The following PTPMT1 variants were observed in gnomAD, a reference collection of about 807,000 sequenced individuals.
The protein encoded by PTPMT1 is phosphatidylglycerophosphatase and protein-tyrosine phosphatase 1.
Under a neutral mutation model 17.8 loss-of-function variants are expected in PTPMT1, and 12 were observed. That is an observed-to-expected ratio of 0.67 (90% CI 0.43 to 1.09). The LOEUF is 1.09. Ranked by LOEUF, PTPMT1 falls within the 50% of genes least tolerant of loss-of-function variation. The probability of loss-of-function intolerance (pLI) is 0.00; values close to 1 mark genes in which losing one functional copy is unlikely to be tolerated. For synonymous variants in PTPMT1, 132 were observed against 116.8 expected, an observed-to-expected ratio of 1.13 and a Z score of -0.84; for missense variants, 262 against 266.0, an observed-to-expected ratio of 0.99 and a Z score of 0.10.
At chr11:47,566,320 C>T (rs1333200591) in intron 2 of PTPMT1, among the ~76,000 whole-genome samples, 2 of 151,836 alleles carry the variant, frequency 1.3e-5, no homozygotes, top group African/African-American at 4.8e-5. Flanking sequence ...CCCGTCCCTA[C>T]AAAAATACAA....
At position 47,573,149 on chromosome 11, in the gene PTPMT1, G is replaced by A. The variant is rs758372593; in HGVS notation, c.*1520G>A. On this transcript the variant is annotated 3_prime_UTR_variant, in exon 4 of 4. Coordinates refer to ENST00000326674, the MANE Select transcript of PTPMT1 (RefSeq NM_175732.3). This position sits in a 1 kb window ranked among gnomAD's most constrained non-coding sequence, Gnocchi z 4.1. Reference sequence around the variant, plus strand: ...AAAGCCGGGTGAAGCTGTCTAGCAAGGGATTGTAGCACACCAGGGAGTCCC... The same window carrying A: ...AAAGCCGGGTGAAGCTGTCTAGCAAAGGATTGTAGCACACCAGGGAGTCCC... The A allele has an allele frequency of 1.9e-6, 3 of 1,614,202 alleles. No homozygotes were observed. The Admixed American group carries it at 5.0e-5, about 27-fold the overall frequency.
Position 47,571,778 on chromosome 11 carries a change from G to A in PTPMT1, c.*149G>A, listed in dbSNP as rs1178755513. 3.8e-5 allele frequency: 27 copies of A among 711,642 alleles called. No individual in the cohort carries two copies. The Admixed American group carries it at 6.8e-4, about 18-fold the overall frequency. 44.1% of individuals were successfully genotyped at this position (711,642 alleles called of 1,614,324 possible). On this transcript the variant is annotated 3_prime_UTR_variant, in exon 4 of 4. Transcript: ENST00000326674. ...AATTTTTCTTTCTCTGACTTGTTTT[G>A]TTTTCTTGAAATAACACTGTTGTGT...
intron 3 of PTPMT1, among the ~76,000 whole-genome samples, chr11:47,571,206 C>T (rs528748115): frequency 2.6e-5 from 4 of 152,258 alleles, no homozygotes; most frequent in East Asian, 3.9e-4. Flanking sequence ...GTGCAACTTC[C>T]TTTTTCTAGG....
chr11:47,566,071 G>T, intron 2 of PTPMT1, 85 bp downstream of exon 2: 1 of 1,420,630 alleles, frequency 7.0e-7, no homozygotes, highest in South Asian at 1.5e-5. Context: ...GAGAAGTGTG[G>T]GGGAGGTCAC....
chr11:47,567,559 CTTTTTTTTTTTT>C (rs370022255), intron 2 of PTPMT1, among the ~76,000 whole-genome samples: 2 of 116,138 alleles, frequency 1.7e-5, no homozygotes, highest in Non-Finnish European at 3.6e-5. Flanking sequence ...TATTTCTTTT[CTTTTTTTTTTTT>C]TTTTTTTGAG....
Position 47,573,243 on chromosome 11 carries a change from T to C in PTPMT1, c.*1614T>C, listed in dbSNP as rs766367041. 5 of 1,614,146 alleles carry C rather than the reference T, an allele frequency of 3.1e-6. No homozygotes were observed. The highest frequency in any genetic ancestry group is 2.2e-5 in the South Asian group (2 of 91,074). On this transcript the variant is annotated 3_prime_UTR_variant, in exon 4 of 4. Coordinates refer to ENST00000326674, the MANE Select transcript of PTPMT1 (RefSeq NM_175732.3). The surrounding 1 kb of genome is among the most constrained non-coding windows in gnomAD (Gnocchi z 4.1). Reference sequence around the variant, plus strand: ...CATGCGGCCTGCAAAGGGCAGCACATAGGGCTTCACATGGCATTTGTCTGT... The same window carrying C: ...CATGCGGCCTGCAAAGGGCAGCACACAGGGCTTCACATGGCATTTGTCTGT...
chr11:47,570,672 C>T lies in PTPMT1; in HGVS notation c.447+781C>T, dbSNP rs541069511. 2.0e-5 allele frequency among the ~76,000 whole-genome samples: 3 copies of T among 152,258 alleles called. No individual in the cohort carries two copies. The South Asian group carries it at 6.2e-4, about 32-fold the overall frequency. ...GATATTAGTTTCTGGAAACAGGCTC[C>T]AAACTGGATTCTGCCTATTAATGTG... On this transcript the variant is annotated intron_variant, in intron 3 of 3. Coordinates refer to ENST00000326674, the MANE Select transcript of PTPMT1 (RefSeq NM_175732.3).
intron 2 of PTPMT1, among the ~76,000 whole-genome samples, chr11:47,566,288 G>A (rs2097244124): frequency 6.6e-6 from 1 of 152,094 alleles, no homozygotes; most frequent in Admixed American, 6.6e-5. Flanking sequence ...TTCCTGACCA[G>A]CCTGGGCAAC....
At position 47,569,723 on chromosome 11, in the gene PTPMT1, G is replaced by C. The variant is rs2097248512; in HGVS notation, c.279G>C (p.Glu93Asp). 9.9e-6 allele frequency: 16 copies of C among 1,612,622 alleles called. No homozygotes were observed. Among genetic ancestry groups the C allele is most frequent in the Non-Finnish European group, 1.4e-5 (16 of 1,179,360 alleles). Residue 93 changes from glutamate to aspartate, a missense_variant, in exon 3 of 4, where the codon GAG becomes GAC. Transcript: ENST00000326674. Reference sequence around the variant, plus strand: ...AGGAGTGGAAGAGACTAGGAGTCGAGCAGCTGCGGCTCAGCACAGTAGACA... The same window carrying C: ...AGGAGTGGAAGAGACTAGGAGTCGACCAGCTGCGGCTCAGCACAGTAGACA... ...SSQEWKRLGV[E>D]QLRLSTVDMT... is the part of the protein sequence containing the mutation.
Position 47,571,865 on chromosome 11 carries a change from T to A in PTPMT1, c.*236T>A. ...ATGGGATACAGGACAGGGATGGGGCTATCATCTTTTCTTGAATAGGGCTAA... is the reference window on the plus strand; with the variant it reads ...ATGGGATACAGGACAGGGATGGGGCAATCATCTTTTCTTGAATAGGGCTAA... On this transcript the variant is annotated 3_prime_UTR_variant, in exon 4 of 4. Coordinates refer to ENST00000326674, the MANE Select transcript of PTPMT1 (RefSeq NM_175732.3). 2.4e-6 allele frequency: 1 copy of A among 421,138 alleles called. No homozygotes were observed. The highest frequency in any genetic ancestry group is 4.2e-6 in the Non-Finnish European group (1 of 236,276). 26.1% of individuals were successfully genotyped at this position (421,138 alleles called of 1,614,324 possible). A position where few individuals can be genotyped will look rare whatever the true frequency, so the allele number is the denominator to read the frequency against.
In PTPMT1 at chr11:47,572,821, T is replaced by G. The variant is rs1475489742; in HGVS notation, c.*1192T>G. The G allele has an allele frequency of 8.2e-7, 1 of 1,219,110 alleles. No individual in the cohort carries two copies. The highest frequency in any genetic ancestry group is 1.1e-6 in the Non-Finnish European group (1 of 877,214). 75.5% of individuals were successfully genotyped at this position (1,219,110 alleles called of 1,614,324 possible). ...TTCAGGGAAGGGCTGAGGCACTGCC[T>G]TTCTAGTATGTGCCAAAAAAAACAT... On this transcript the variant is annotated 3_prime_UTR_variant, in exon 4 of 4. Transcript: ENST00000326674.
intron 3 of PTPMT1, among the ~76,000 whole-genome samples, 176 bp downstream of exon 3, chr11:47,570,067 C>A (rs993445103): frequency 2.0e-5 from 3 of 151,868 alleles, no homozygotes; most frequent in Non-Finnish European, 2.9e-5. Context: ...TGGTGTGCAC[C>A]TGTAGTCCCA....
chr11:47,569,843 G>C lies in PTPMT1; in HGVS notation c.399G>C (p.Lys133Asn). The change falls in exon 3 of 4, where the codon AAG becomes AAC. Residue 133 changes from lysine to asparagine, a missense_variant. Transcript: ENST00000326674. ...GCCAGTGTGTTTACGTGCATTGTAA[G>C]GCTGGGCGCTCCAGGAGTGCCACTA... ...SLGQCVYVHC[K>N]AGRSRSATMV... is the part of the protein sequence containing the mutation. The C allele has an allele frequency of 6.2e-7, 1 of 1,613,910 alleles. No individual in the cohort carries two copies. The highest frequency in any genetic ancestry group is 8.5e-7 in the Non-Finnish European group (1 of 1,180,022).
chr11:47,571,720 G>C lies in PTPMT1; in HGVS notation c.*91G>C. ...ACCAACAGGGCTTAAGCCCAGACTTGACGTAACAGAAATGTGCCAATAGGT... is the reference window on the plus strand; with the variant it reads ...ACCAACAGGGCTTAAGCCCAGACTTCACGTAACAGAAATGTGCCAATAGGT... On this transcript the variant is annotated 3_prime_UTR_variant, in exon 4 of 4. Transcript: ENST00000326674. 1.6e-6 allele frequency: 2 copies of C among 1,243,986 alleles called. No individual in the cohort carries two copies. The highest frequency in any genetic ancestry group is 1.4e-5 in the South Asian group (1 of 70,486). 77.1% of individuals were successfully genotyped at this position (1,243,986 alleles called of 1,614,324 possible). A position where few individuals can be genotyped will look rare whatever the true frequency, so the allele number is the denominator to read the frequency against.
chr11:47,572,989 C>G lies in PTPMT1; in HGVS notation c.*1360C>G. 3 of 1,614,172 alleles carry G rather than the reference C, an allele frequency of 1.9e-6. No homozygotes were observed. The highest frequency in any genetic ancestry group is 2.5e-6 in the Non-Finnish European group (3 of 1,180,034). On this transcript the variant is annotated 3_prime_UTR_variant, in exon 4 of 4. Transcript: ENST00000326674. ...ACCTTAATACCTCTTGTGACAGTTA[C>G]GGCTGAAGTGGCAGGGTCAAGCTTG...
intron 2 of PTPMT1, among the ~76,000 whole-genome samples, chr11:47,569,245 G>T (rs183921372): frequency 6.6e-4 from 100 of 151,996 alleles, no homozygotes; most frequent in Middle Eastern, 3.4e-3. Flanking sequence ...AATTAGCCAG[G>T]CTTGGTGGCG....
At position 47,572,843 on chromosome 11, in the gene PTPMT1, A is replaced by AG; in HGVS notation, c.*1214_*1215insG. ...GCCTTTCTAGTATGTGCCAAAAAAAACATAACTCTGAATTGGGGCCCAGGG... is the reference window on the plus strand; with the variant it reads ...GCCTTTCTAGTATGTGCCAAAAAAAAGCATAACTCTGAATTGGGGCCCAGGG... On this transcript the variant is annotated 3_prime_UTR_variant, in exon 4 of 4. Coordinates refer to ENST00000326674, the MANE Select transcript of PTPMT1 (RefSeq NM_175732.3). The AG allele has an allele frequency of 2.1e-6, 3 of 1,435,010 alleles. No individual in the cohort carries two copies. The highest frequency in any genetic ancestry group is 2.8e-6 in the Non-Finnish European group (3 of 1,058,964). 88.9% of individuals were successfully genotyped at this position (1,435,010 alleles called of 1,614,324 possible).
At chr11:47,567,254 A>T (rs2097245989) in intron 2 of PTPMT1, among the ~76,000 whole-genome samples, 1 of 151,794 alleles carries the variant, frequency 6.6e-6, no homozygotes, top group Admixed American at 6.6e-5. Context: ...TCACACAAAA[A>T]AATTAGCCGG....
chr11:47,573,136 A>G lies in PTPMT1; in HGVS notation c.*1507A>G. ...GCCTCAGGAAGGCAAAGCCGGGTGA[A>G]GCTGTCTAGCAAGGGATTGTAGCAC... is the stretch of plus-strand genomic sequence containing the variant. On this transcript the variant is annotated 3_prime_UTR_variant, in exon 4 of 4. Transcript: ENST00000326674. The surrounding 1 kb of genome is among the most constrained non-coding windows in gnomAD (Gnocchi z 4.1). 1 of 1,614,226 alleles carries G rather than the reference A, an allele frequency of 6.2e-7. No individual in the cohort carries two copies. Among genetic ancestry groups the G allele is most frequent in the Non-Finnish European group, 8.5e-7 (1 of 1,180,038 alleles).
Sources: allele counts gnomAD v4.1 joint callset (sites outside exome capture counted in the v4.1 genomes callset), GRCh38; gene constraint gnomAD v4.1.1; non-coding constraint Gnocchi (gnomAD v3.1); transcripts MANE v1.5; gene names NCBI Gene and HGNC (gene_info 2026-07-23, HGNC 2026-07-21).